Variants in AP1M1 observed in about 807,000 individuals in gnomAD.
AP1M1 encodes the protein adaptor related protein complex 1 subunit mu 1.
AP1M1 carries 18 observed loss-of-function variants against 57.1 expected under a neutral mutation model. The observed-to-expected ratio is 0.32, with a 90% CI of 0.22 to 0.47. AP1M1 has a LOEUF of 0.47. Ranked by LOEUF, AP1M1 falls within the 20% of genes least tolerant of loss-of-function variation. The probability of loss-of-function intolerance (pLI) is 1.00; values close to 1 mark genes in which losing one functional copy is unlikely to be tolerated. For synonymous variants in AP1M1, 241 were observed against 237.9 expected, an observed-to-expected ratio of 1.01 and a Z score of -0.12; for missense variants, 362 against 593.5, an observed-to-expected ratio of 0.61 and a Z score of 4.05.
chr19:16,243,432 C>CTTTTTTTTTTTT lies in AP1M1; in HGVS notation c.*8998_*8999insTTTTTTTTTTTT, dbSNP rs550578052. 31 of 124,308 alleles carry CTTTTTTTTTTTT rather than the reference C, an allele frequency of 2.5e-4. 1 individual carries two copies. Among genetic ancestry groups the CTTTTTTTTTTTT allele is most frequent in the Non-Finnish European group, 4.4e-4 (27 of 60,810 alleles). The allele number at this position is 124,308 out of a possible 1,614,324, so 7.7% of individuals were successfully genotyped here. On this transcript the variant is annotated 3_prime_UTR_variant, in exon 12 of 12. Transcript: ENST00000291439. ...TACAGGTGAGCACCACCAAGCTCAG[C>CTTTTTTTTTTTT]TATTTTTTTTTTTTTTTTGTATTTT... is the stretch of plus-strand genomic sequence containing the variant.
intron 1 of AP1M1, among the ~76,000 whole-genome samples, chr19:16,199,760 CGGTGGAATGAGTCCT>C (rs1255058197): frequency 1.3e-5 from 2 of 152,134 alleles, no homozygotes; most frequent in East Asian, 1.9e-4. Context: ...CTGGGTGGTG[CGGTGGAATGAGTCCT>C]GGTGGAATGA....
rs562978312 is a variant in AP1M1 at position 16,229,982 on chromosome 19, G to T, written c.1047+1054G>T. ...GTGACCATCCCGGATAGTTGGATTAGCTCCTCTTTTCCTGCAATTCCACTG... is the reference window on the plus strand; with the variant it reads ...GTGACCATCCCGGATAGTTGGATTATCTCCTCTTTTCCTGCAATTCCACTG... On this transcript the variant is annotated intron_variant, in intron 9 of 11. Transcript: ENST00000291439. 2.0e-5 allele frequency among the ~76,000 whole-genome samples: 3 copies of T among 152,284 alleles called. No homozygotes were observed. In the South Asian group the frequency reaches 6.2e-4, roughly 32 times the overall value.
rs1248907880 is a variant in AP1M1, at chr19:16,206,605, C to A, written c.267+197C>A. 8 of 596,788 alleles carry A rather than the reference C, an allele frequency of 1.3e-5. No homozygotes were observed. The highest frequency in any genetic ancestry group is 2.4e-5 in the Non-Finnish European group (8 of 330,108). The allele number at this position is 596,788 out of a possible 1,614,324, so 37.0% of individuals were successfully genotyped here. On this transcript the variant is annotated intron_variant, in intron 3 of 11. Transcript: ENST00000291439. The surrounding 1 kb of genome is among the most constrained non-coding windows in gnomAD (Gnocchi z 4.3). ...TTCTATAGCTCACGTTGCTCCCCTA[C>A]CGTGGGGAAGAAAGGAAAGTGAACA...
rs1450561374 is a variant in AP1M1 at position 16,217,309 on chromosome 19, G to A, written c.546+8132G>A. 2.6e-5 allele frequency among the ~76,000 whole-genome samples: 4 copies of A among 152,006 alleles called. No homozygotes were observed. In the East Asian group the frequency reaches 7.7e-4, roughly 29 times the overall value. On this transcript the variant is annotated intron_variant, in intron 5 of 11. Transcript: ENST00000291439. ...CAACGGTGGTGGGAGAGGAGAATGA[G>A]GGGCTGGGGTGCACTTATGCTGGCA...
intron 5 of AP1M1, among the ~76,000 whole-genome samples, chr19:16,220,924 C>G (rs1248171060): frequency 6.6e-6 from 1 of 152,126 alleles, no homozygotes; most frequent in Admixed American, 6.5e-5. Context: ...ATCTTTATTC[C>G]CCTATAGGTG....
chr19:16,216,248 A>G (rs940601539), intron 5 of AP1M1, among the ~76,000 whole-genome samples: 1 of 152,208 alleles, frequency 6.6e-6, no homozygotes, highest in East Asian at 1.9e-4. Flanking sequence ...GATTGAGACC[A>G]TCCTGGTGAA....
chr19:16,224,476 A>G (rs968261280), intron 5 of AP1M1, among the ~76,000 whole-genome samples: 1 of 152,220 alleles, frequency 6.6e-6, no homozygotes, highest in Non-Finnish European at 1.5e-5. Flanking sequence ...ATTTGCCTCC[A>G]GATGCGATCA....
chr19:16,222,035 T>G (rs879572621), intron 5 of AP1M1, among the ~76,000 whole-genome samples: 5 of 152,112 alleles, frequency 3.3e-5, no homozygotes, highest in Admixed American at 3.3e-4. Context: ...TCCAGTGACA[T>G]GAAAGACCTT....
rs2091493089 is a variant in AP1M1 at position 16,211,421 on chromosome 19, G to A, written c.546+2244G>A. ...CAATACTATATTGAATAGGAGTGGTGAGAGAGGGCATCTTTGTCTTGTGCC... is the reference window on the plus strand; with the variant it reads ...CAATACTATATTGAATAGGAGTGGTAAGAGAGGGCATCTTTGTCTTGTGCC... On this transcript the variant is annotated intron_variant, in intron 5 of 11. Transcript: ENST00000291439. Among the ~76,000 whole-genome samples the A allele has an allele frequency of 2.6e-5, 4 of 152,122 alleles. No homozygotes were observed. In the South Asian group the frequency reaches 6.2e-4, roughly 24 times the overall value.
At position 16,206,281 on chromosome 19, in the gene AP1M1, A is replaced by G. The variant is rs1019694021; in HGVS notation, c.200-60A>G. ...GGGTTAGGGGGTCCCTCCATGAACC[A>G]GGATCTTCCAGGCAGCAGCCCCAGC... On this transcript the variant is annotated intron_variant, in intron 2 of 11. Transcript: ENST00000291439. The surrounding 1 kb of genome is among the most constrained non-coding windows in gnomAD (Gnocchi z 4.3). The G allele has an allele frequency of 5.1e-6, 8 of 1,573,838 alleles. No individual in the cohort carries two copies. In the African/African-American group the frequency reaches 1.1e-4, roughly 21 times the overall value.
At chr19:16,199,137 G>A (rs1230963104) in intron 1 of AP1M1, among the ~76,000 whole-genome samples, 2 of 152,126 alleles carry the variant, frequency 1.3e-5, no homozygotes, top group African/African-American at 4.8e-5. Flanking sequence ...GGTGTTCACA[G>A]GCTGGTAGGG....
intron 5 of AP1M1, among the ~76,000 whole-genome samples, chr19:16,222,709 G>C (rs1460746815): frequency 6.6e-6 from 1 of 151,946 alleles, no homozygotes; most frequent in Non-Finnish European, 1.5e-5. Flanking sequence ...GTGTGTTCAA[G>C]TGATCTTCCC....
chr19:16,201,421 T>C (rs2145110973), intron 1 of AP1M1, among the ~76,000 whole-genome samples: 1 of 118,470 alleles, frequency 8.4e-6, no homozygotes, highest in Admixed American at 1.1e-4. Context: ...TTTTTTGAGA[T>C]GGAGTTACGT....
chr19:16,236,528 G>A lies in AP1M1; in HGVS notation c.*2093G>A, dbSNP rs1017905548. The A allele has an allele frequency of 3.3e-5, 5 of 152,192 alleles. No individual in the cohort carries two copies. The highest frequency in any genetic ancestry group is 1.2e-4 in the African/African-American group (5 of 41,428). The allele number at this position is 152,192 out of a possible 1,614,324, so 9.4% of individuals were successfully genotyped here. A position where few individuals can be genotyped will look rare whatever the true frequency, so the allele number is the denominator to read the frequency against. ...ATAGGACTTTGGGCATCGGGAAGAT[G>A]GTGAAATGCAGTGGAGATGACTCCT... is the stretch of plus-strand genomic sequence containing the variant. On this transcript the variant is annotated 3_prime_UTR_variant, in exon 12 of 12. Transcript: ENST00000291439.
intron 5 of AP1M1, among the ~76,000 whole-genome samples, chr19:16,210,056 A>G (rs1032019603): frequency 1.3e-5 from 2 of 152,076 alleles, no homozygotes; most frequent in African/African-American, 4.8e-5. Flanking sequence ...TGTGATTGTC[A>G]CACGAGTGGC....
At chr19:16,219,617 C>T (rs572568372) in intron 5 of AP1M1, among the ~76,000 whole-genome samples, 40 of 152,174 alleles carry the variant, frequency 2.6e-4, no homozygotes, top group African/African-American at 9.4e-4. Flanking sequence ...AGGCTGGTCT[C>T]GAACTCCTGA....
At position 16,209,117 on chromosome 19, in the gene AP1M1, A is replaced by G. The variant is rs2091482353; in HGVS notation, c.486A>G (p.Glu162=). Reference sequence around the variant, plus strand: ...CCAACGCGGTGTCCTGGCGGTCCGAAGGCATCAAGTATCGGAAGAATGAGG... The same window carrying G: ...CCAACGCGGTGTCCTGGCGGTCCGAGGGCATCAAGTATCGGAAGAATGAGG... ...TVTNAVSWRS[E]GIKYRKNEVF... Residue 162 remains glutamate (E), a synonymous_variant, in exon 5 of 12, where the codon GAA becomes GAG. Transcript: ENST00000291439. The G allele has an allele frequency of 6.2e-7, 1 of 1,614,118 alleles. No individual in the cohort carries two copies. The highest frequency in any genetic ancestry group is 1.1e-5 in the South Asian group (1 of 91,092).
chr19:16,221,348 G>A (rs149871868), intron 5 of AP1M1, among the ~76,000 whole-genome samples: 38 of 152,250 alleles, frequency 2.5e-4, no homozygotes, highest in African/African-American at 8.7e-4. Flanking sequence ...CTGCAGAAAG[G>A]GTGCTCCTCG....
Position 16,238,727 on chromosome 19 carries a change from T to TTA in AP1M1, c.*4293_*4294insAT, listed in dbSNP as rs1264268086. ...TTCTGTATTCTTTCTTTATGCTTTTTTTTTTTTTTTTTGACAGGGTGTCAC... is the reference window on the plus strand; with the variant it reads ...TTCTGTATTCTTTCTTTATGCTTTTTTATTTTTTTTTTTTGACAGGGTGTCAC... On this transcript the variant is annotated 3_prime_UTR_variant, in exon 12 of 12. Coordinates refer to ENST00000291439, the MANE Select transcript of AP1M1 (RefSeq NM_032493.4). 1 of 148,968 alleles carries TTA rather than the reference T, an allele frequency of 6.7e-6. No individual in the cohort carries two copies. Among genetic ancestry groups the TTA allele is most frequent in the Admixed American group, 6.7e-5 (1 of 15,002 alleles). 9.2% of individuals were successfully genotyped at this position (148,968 alleles called of 1,614,324 possible). A position where few individuals can be genotyped will look rare whatever the true frequency, so the allele number is the denominator to read the frequency against.
Sources: allele counts gnomAD v4.1 joint callset (sites outside exome capture counted in the v4.1 genomes callset), GRCh38; gene constraint gnomAD v4.1.1; non-coding constraint Gnocchi (gnomAD v3.1); transcripts MANE v1.5; gene names NCBI Gene and HGNC (gene_info 2026-07-23, HGNC 2026-07-21).